Variants in CACNA2D3 observed in about 807,000 individuals in gnomAD.
CACNA2D3 encodes the protein calcium voltage-gated channel auxiliary subunit alpha2delta 3.
CACNA2D3 carries 60 observed loss-of-function variants against 160.6 expected under a neutral mutation model. That is an observed-to-expected ratio of 0.37 (90% CI 0.30 to 0.46). The LOEUF (loss-of-function observed/expected upper bound fraction) is 0.46, where lower values mean the gene tolerates loss of function less well. CACNA2D3 is among the 20% of genes least tolerant of loss of function. CACNA2D3 has a pLI of 1.00. For missense variants in CACNA2D3, 1,205 were observed against 1,365.0 expected, an observed-to-expected ratio of 0.88 and a Z score of 1.85; for synonymous variants, 558 against 492.9, an observed-to-expected ratio of 1.13 and a Z score of -1.75.
At chr3:54,934,773 C>G (rs1701288016) in intron 27 of CACNA2D3, among the ~76,000 whole-genome samples, 1 of 152,070 alleles carries the variant, frequency 6.6e-6, no homozygotes, top group African/African-American at 2.4e-5. Context: ...CACCTGTTGC[C>G]CAGGCTGGAG....
chr3:54,169,732 TGTGTGCGA>T (rs1396567601), intron 2 of CACNA2D3, among the ~76,000 whole-genome samples: 3 of 151,642 alleles, frequency 2.0e-5, no homozygotes, highest in South Asian at 4.2e-4. Flanking sequence ...CAAGTGTGCG[TGTGTGCGA>T]GTGTGCATGT....
chr3:54,970,098 T>C (rs1702236369), intron 29 of CACNA2D3, among the ~76,000 whole-genome samples: 1 of 152,182 alleles, frequency 6.6e-6, no homozygotes, highest in Non-Finnish European at 1.5e-5. Flanking sequence ...TGACATTTTG[T>C]AGGAAATAAT....
intron 13 of CACNA2D3, among the ~76,000 whole-genome samples, chr3:54,776,225 G>A (rs1458189854): frequency 2.0e-5 from 3 of 152,206 alleles, no homozygotes; most frequent in Non-Finnish European, 2.9e-5. Flanking sequence ...TTTCTAAGAG[G>A]TCGGGAGGCT....
intron 11 of CACNA2D3, among the ~76,000 whole-genome samples, chr3:54,710,583 G>A (rs1197977530): frequency 6.6e-6 from 1 of 152,118 alleles, no homozygotes; most frequent in Non-Finnish European, 1.5e-5. Context: ...TTAGCCACAT[G>A]GACCCACCAA....
At chr3:54,845,371 G>C (rs1319501019) in intron 16 of CACNA2D3, among the ~76,000 whole-genome samples, 1 of 152,114 alleles carries the variant, frequency 6.6e-6, no homozygotes, top group African/African-American at 2.4e-5. Flanking sequence ...GTGAGTGGCA[G>C]AGAATTTAAA....
At chr3:54,577,878 G>A (rs1249232104) in intron 8 of CACNA2D3, among the ~76,000 whole-genome samples, 1 of 152,200 alleles carries the variant, frequency 6.6e-6, no homozygotes, top group African/African-American at 2.4e-5. Flanking sequence ...ACCCTTGTGA[G>A]AATCAGAAAA....
chr3:54,604,250 G>A (rs1703117837), intron 9 of CACNA2D3, among the ~76,000 whole-genome samples: 1 of 152,208 alleles, frequency 6.6e-6, no homozygotes, highest in Middle Eastern at 3.4e-3. Flanking sequence ...GGACTTTAGG[G>A]GTATAATGGG....
chr3:54,695,373 TTTTTTTTCTGTTTCTTGTTGC>T (rs902149870), intron 11 of CACNA2D3, among the ~76,000 whole-genome samples: 138 of 152,220 alleles, frequency 9.1e-4, no homozygotes, highest in Middle Eastern at 3.4e-3. Context: ...AAGTTTAGTT[TTTTTTTTCTGTTTCTTGTTGC>T]TTTTTTTTTT....
Position 54,836,241 on chromosome 3 carries a change from TG to T in CACNA2D3, c.1399-917del, listed in dbSNP as rs1271985045. Among the ~76,000 whole-genome samples, 710 of 130,950 alleles carry T rather than the reference TG, an allele frequency of 5.4e-3. 5 individuals carry two copies. The highest frequency in any genetic ancestry group is 0.018 in the African/African-American group (616 of 34,126). 85.9% of individuals were successfully genotyped at this position (130,950 alleles called of 152,430 possible). A position where few individuals can be genotyped will look rare whatever the true frequency, so the allele number is the denominator to read the frequency against. On this transcript the variant is annotated intron_variant, in intron 14 of 37. Coordinates refer to ENST00000474759, the MANE Select transcript of CACNA2D3 (RefSeq NM_018398.3). ...TTTTTTTTTTCTTTTTTTTTTTTTT[TG>T]TTTTTGTTTTGGGAGAGAGTCTCGC...
intron 2 of CACNA2D3, among the ~76,000 whole-genome samples, chr3:54,157,347 G>A (rs1254166603): frequency 2.0e-5 from 3 of 152,206 alleles, no homozygotes; most frequent in Non-Finnish European, 4.4e-5. Context: ...TGGAGTGTGT[G>A]TAGGGGGACA....
intron 2 of CACNA2D3, among the ~76,000 whole-genome samples, chr3:54,305,335 C>T (rs1703573118): frequency 6.6e-6 from 1 of 152,166 alleles, no homozygotes; most frequent in Non-Finnish European, 1.5e-5. Context: ...TACCCTGTGA[C>T]CCCGGCCTGA....
chr3:55,037,133 T>G (rs868666916), intron 35 of CACNA2D3, among the ~76,000 whole-genome samples: 2 of 152,196 alleles, frequency 1.3e-5, no homozygotes, highest in African/African-American at 4.8e-5. Context: ...CTTTCTCTTT[T>G]GCATAAACTA....
chr3:54,831,425 T>C (rs1461022293), intron 14 of CACNA2D3, among the ~76,000 whole-genome samples: 2 of 152,216 alleles, frequency 1.3e-5, no homozygotes, highest in Non-Finnish European at 2.9e-5. Context: ...AATAGAGTTA[T>C]GAAGAAGGCA....
At chr3:54,607,229 C>G (rs888410104) in intron 9 of CACNA2D3, among the ~76,000 whole-genome samples, 41 of 152,318 alleles carry the variant, frequency 2.7e-4, no homozygotes, top group Admixed American at 1.6e-3. Context: ...TCATGTCCCT[C>G]TAGATCTGTT....
intron 11 of CACNA2D3, among the ~76,000 whole-genome samples, chr3:54,720,812 C>A (rs893597591): frequency 7.2e-5 from 11 of 151,976 alleles, no homozygotes; most frequent in African/African-American, 2.2e-4. Flanking sequence ...ATTTTCCTGT[C>A]GAATCAGCTC....
intron 4 of CACNA2D3, among the ~76,000 whole-genome samples, chr3:54,418,182 T>C (rs1300604980): frequency 1.3e-5 from 2 of 152,218 alleles, no homozygotes; most frequent in Non-Finnish European, 2.9e-5. Context: ...TAGACGTTAG[T>C]TTGCTGTCTA....
rs1559563700 is a variant in CACNA2D3, at chr3:54,736,081, ATGTATGTG to A, written c.1168-16516_1168-16509del. 3.7e-3 allele frequency among the ~76,000 whole-genome samples: 100 copies of A among 26,692 alleles called. 12 individuals carry two copies. Among genetic ancestry groups the A allele is most frequent in the Non-Finnish European group, 5.7e-3 (61 of 10,638 alleles). The allele number at this position is 26,692 out of a possible 152,430, so 17.5% of individuals were successfully genotyped here. A position where few individuals can be genotyped will look rare whatever the true frequency, so the allele number is the denominator to read the frequency against. On this transcript the variant is annotated intron_variant, in intron 11 of 37. Coordinates refer to ENST00000474759, the MANE Select transcript of CACNA2D3 (RefSeq NM_018398.3). ...TGTATGTATATATATATACATATAT[ATGTATGTG>A]TATATATATACATATATATGTATAT...
intron 3 of CACNA2D3, among the ~76,000 whole-genome samples, chr3:54,327,201 C>T (rs1318469041): frequency 1.3e-5 from 2 of 152,236 alleles, no homozygotes; most frequent in East Asian, 3.8e-4. Context: ...CTGAGCCTCA[C>T]AGCTAAGCCC....
intron 5 of CACNA2D3, among the ~76,000 whole-genome samples, chr3:54,529,732 G>A (rs879856744): frequency 3.9e-5 from 6 of 152,052 alleles, no homozygotes; most frequent in African/African-American, 7.3e-5. Flanking sequence ...AAAAATGGCC[G>A]TATTCTTGTC....
Sources: gnomAD v4.1 joint callset for allele counts (sites outside exome capture counted in the v4.1 genomes callset) on GRCh38, gnomAD v4.1.1 for gene constraint, MANE v1.5 for transcripts, NCBI Gene and HGNC (gene_info 2026-07-23, HGNC 2026-07-21) for gene names.